The following SYTL2 variants were observed in gnomAD, a reference collection of about 807,000 sequenced individuals.
SYTL2 encodes synaptotagmin-like protein 2.
In SYTL2, 165 loss-of-function variants were observed where a neutral mutation model predicts 198.7. That is an observed-to-expected ratio of 0.83 (90% CI 0.73 to 0.94). The LOEUF is 0.94. Ranked by LOEUF, SYTL2 falls within the 40% of genes least tolerant of loss-of-function variation. SYTL2 has a pLI of 0.00. For missense variants in SYTL2, 2,835 were observed against 2,582.8 expected (o/e 1.10, Z -2.12); for synonymous variants, 966 against 917.7 (o/e 1.05, Z -0.95).
At chr11:85,791,148 C>G in intron 1 of SYTL2, among the ~76,000 whole-genome samples, 1 of 105,106 alleles carries the variant, frequency 9.5e-6, no homozygotes, top group East Asian at 3.2e-4. Context: ...GCCTGGGCAG[C>G]AGAGCTAGAG....
chr11:85,757,662 C>A lies in SYTL2; in HGVS notation c.64G>T (p.Asp22Tyr). The change falls in exon 2 of 20, where the codon GAT becomes TAT. Residue 22 changes from aspartate (D) to tyrosine (Y), a missense_variant. Around this residue, in one of 3 missense-constraint regions of SYTL2, gnomAD observed 2,645 missense variants for 2,381.7 expected, o/e 1.11. Coordinates refer to ENST00000359152, the MANE Select transcript of SYTL2 (RefSeq NM_206927.4). ...QEAIMKVLQR[D>Y]AALKRAEEER... ...TCTTCGGCCCTCTTCAGAGCAGCAT[C>A]CCGCTGCAAAACCTTCATGATGGCC... is the stretch of plus-strand genomic sequence containing the variant. The A allele has an allele frequency of 6.2e-7, 1 of 1,613,860 alleles. No homozygotes were observed. The highest frequency in any genetic ancestry group is 8.5e-7 in the Non-Finnish European group (1 of 1,179,926).
chr11:85,699,449 T>C (rs556663535), intron 17 of SYTL2, among the ~76,000 whole-genome samples: 1 of 152,282 alleles, frequency 6.6e-6, no homozygotes, highest in African/African-American at 2.4e-5. Context: ...CTTTAAATGA[T>C]AGGATACAAA....
the SYTL2 span, among the ~76,000 whole-genome samples, chr11:85,845,931 AAAAT>A: frequency 1.3e-5 from 2 of 152,214 alleles, no homozygotes; most frequent in African/African-American, 4.8e-5. Context: ...AAATAATAAT[AAAAT>A]AAATAAATAA....
In SYTL2 at chr11:85,725,252, T is replaced by C. The variant is rs934254208; in HGVS notation, c.4106A>G (p.Asp1369Gly). 6.2e-7 allele frequency: 1 copy of C among 1,614,054 alleles called. No individual in the cohort carries two copies. The highest frequency in any genetic ancestry group is 1.3e-5 in the African/African-American group (1 of 74,926). The change falls in exon 8 of 20, where the codon GAT (aspartate) becomes GGT (glycine). Residue 1369 changes from aspartate to glycine, a missense_variant. Coordinates refer to ENST00000359152, the MANE Select transcript of SYTL2 (RefSeq NM_206927.4). ...CAGCTTCTGTAATGCAGCACTTACA[T>C]CATTCAATACAGGTCTGGGTGGAAG... is the stretch of plus-strand genomic sequence containing the variant. ...VILPPRPVLN[D>G]VSAALQKLCG...
rs2090096232 is a variant in SYTL2, at chr11:85,734,011, T to C, written c.1318A>G (p.Thr440Ala). The change falls in exon 7 of 20, where the codon ACC (threonine) becomes GCC (alanine). Residue 440 changes from threonine to alanine, a missense_variant. Transcript: ENST00000359152. ...GATTTATCTTTGGGTTCATTGATGG[T>C]TGGTGAATTCTCCATAGACTGTGGT... Reference protein sequence around the residue: ...ARPQSMENSPTINEPKDKSSE... With the variant: ...ARPQSMENSPAINEPKDKSSE... The C allele has an allele frequency of 1.2e-6, 2 of 1,614,002 alleles. No homozygotes were observed. Among genetic ancestry groups the C allele is most frequent in the South Asian group, 2.2e-5 (2 of 91,088 alleles).
rs200738930 is a variant in SYTL2 at position 85,712,695 on chromosome 11, TACACAC to T, written c.5626-1469_5626-1464del. Among the ~76,000 whole-genome samples, 43 of 145,564 alleles carry T rather than the reference TACACAC, an allele frequency of 3.0e-4. No homozygotes were observed. The South Asian group carries it at 4.0e-3, about 14-fold the overall frequency. ...ATATAATTTGCCTCGAAAATACATA[TACACAC>T]ACACACACACACACACACACACACT... On this transcript the variant is annotated intron_variant, in intron 12 of 19. Transcript: ENST00000359152.
chr11:85,791,107 C>T (rs897296339), intron 1 of SYTL2, among the ~76,000 whole-genome samples: 3 of 116,536 alleles, frequency 2.6e-5, no homozygotes, highest in African/African-American at 9.9e-5. Context: ...ACGGAGGTTG[C>T]AATGAGCCAA....
intron 1 of SYTL2, among the ~76,000 whole-genome samples, chr11:85,761,489 C>T (rs958306091): frequency 6.6e-6 from 1 of 152,284 alleles, no homozygotes; most frequent in South Asian, 2.1e-4. Context: ...GGAAAGGACA[C>T]GGGTAAGACT....
intron 18 of SYTL2, among the ~76,000 whole-genome samples, chr11:85,697,371 A>G (rs1414301835): frequency 6.6e-6 from 1 of 152,178 alleles, no homozygotes; most frequent in Non-Finnish European, 1.5e-5. Flanking sequence ...AAAAAGCTAC[A>G]GTTGGTCTTC....
the SYTL2 span, chr11:85,852,714 C>G: frequency 4.3e-6 from 1 of 231,704 alleles, no homozygotes; most frequent in Admixed American, 5.8e-5. Context: ...GGCATGATCA[C>G]GGCTAGCTAT....
intron 2 of SYTL2, among the ~76,000 whole-genome samples, chr11:85,751,929 C>G (rs2091536196): frequency 6.6e-6 from 1 of 152,220 alleles, no homozygotes; most frequent in South Asian, 2.1e-4. Flanking sequence ...ATTAAAAATT[C>G]TATCTACAGC....
chr11:85,789,366 A>ATG (rs2092693440), intron 1 of SYTL2, among the ~76,000 whole-genome samples: 9 of 47,804 alleles, frequency 1.9e-4, no homozygotes, highest in Admixed American at 2.7e-4. Flanking sequence ...ATATATATAT[A>ATG]TATATATATA....
intron 4 of SYTL2, among the ~76,000 whole-genome samples, chr11:85,743,314 G>T (rs1272359887): frequency 6.6e-6 from 1 of 152,138 alleles, no homozygotes. Flanking sequence ...TAGAAAGAAG[G>T]AAGTAAAAAA....
At chr11:85,796,258 C>A (rs1337234494) in intron 1 of SYTL2, among the ~76,000 whole-genome samples, 1 of 152,164 alleles carries the variant, frequency 6.6e-6, no homozygotes, top group African/African-American at 2.4e-5. Flanking sequence ...CATCAAATTT[C>A]TACCTTTGAA....
chr11:85,726,795 T>C lies in SYTL2; in HGVS notation c.2563A>G (p.Lys855Glu), dbSNP rs1238614109. The C allele has an allele frequency of 2.0e-6, 3 of 1,536,238 alleles. No individual in the cohort carries two copies. Among genetic ancestry groups the C allele is most frequent in the Non-Finnish European group, 2.6e-6 (3 of 1,146,882 alleles). Residue 855 changes from lysine (K) to glutamate (E), a missense_variant, in exon 8 of 20, where the codon AAA becomes GAA. Physicochemically the swap from Lys to Glu is moderately conservative, Grantham distance 56. This residue lies in a region of SYTL2 where 2,645 missense variants were observed against 2,381.7 expected (regional missense o/e 1.11). Transcript: ENST00000359152. The stretch of plus-strand genomic sequence containing the variant: ...TCATCCTCATCTAAGACCACTCGTT[T>C]GGGAATGGCCTGATTATATTCACTC... ...DQSEYNQAIPKRVVLDEDDQA... is the reference protein window; with the variant it reads ...DQSEYNQAIPERVVLDEDDQA...
At chr11:85,822,933 A>G in the SYTL2 span, among the ~76,000 whole-genome samples, 1 of 152,240 alleles carries the variant, frequency 6.6e-6, no homozygotes, top group Non-Finnish European at 1.5e-5. Context: ...GCCTCCTTGT[A>G]GGCCTCTGAG....
Position 85,725,711 on chromosome 11 carries a change from A to T in SYTL2, c.3647T>A (p.Leu1216His). The T allele has an allele frequency of 6.2e-7, 1 of 1,613,998 alleles. No homozygotes were observed. The highest frequency in any genetic ancestry group is 8.5e-7 in the Non-Finnish European group (1 of 1,179,964). ...RNSLTASLDK[L>H]LKEATGTSPS... ...TGAAGTTCCAGTTGCTTCCTTCAGGAGTTTGTCTAGACTAGCAGTCAAAGA... is the reference window on the plus strand; with the variant it reads ...TGAAGTTCCAGTTGCTTCCTTCAGGTGTTTGTCTAGACTAGCAGTCAAAGA... Residue 1216 changes from leucine to histidine, a missense_variant, in exon 8 of 20, where the codon CTC (leucine) becomes CAC (histidine). Leu to His is a moderately conservative substitution (Grantham distance 99). Coordinates refer to ENST00000359152, the MANE Select transcript of SYTL2 (RefSeq NM_206927.4).
intron 4 of SYTL2, among the ~76,000 whole-genome samples, chr11:85,743,441 T>C (rs2090942894): frequency 6.6e-6 from 1 of 152,210 alleles, no homozygotes. Context: ...TTCTCAAACA[T>C]ACTTCATCCA....
chr11:85,784,814 G>A lies in SYTL2; in HGVS notation c.-390+26140C>T, dbSNP rs114632115. Among the ~76,000 whole-genome samples the A allele has an allele frequency of 4.0e-3, 612 of 152,036 alleles. 4 individuals carry two copies. Among genetic ancestry groups the A allele is most frequent in the African/African-American group, 0.014 (568 of 41,438 alleles). On this transcript the variant is annotated intron_variant, in intron 1 of 19. Coordinates refer to ENST00000359152, the MANE Select transcript of SYTL2 (RefSeq NM_206927.4). ...AAAAAATACATCATCTTGAATCCTG[G>A]TCTTCAATTTCTTTCCACAATTCCA... is the stretch of plus-strand genomic sequence containing the variant.
Sources: gnomAD v4.1 joint callset for allele counts (sites outside exome capture counted in the v4.1 genomes callset) on GRCh38, gnomAD v4.1.1 for gene constraint, gnomAD v4.1.1 regional missense constraint, MANE v1.5 for transcripts, NCBI Gene and HGNC (gene_info 2026-07-23, HGNC 2026-07-21) for gene names.